Variants in DPYD observed in about 807,000 individuals in gnomAD.
DPYD encodes the protein dihydropyrimidine dehydrogenase [NADP(+)].
In DPYD, 109 loss-of-function variants were observed where a neutral mutation model predicts 116.2. That is an observed-to-expected ratio of 0.94 (90% CI 0.80 to 1.10). The LOEUF (loss-of-function observed/expected upper bound fraction) is 1.10. DPYD is among the 50% of genes least tolerant of loss of function. DPYD has a pLI of 0.00. For synonymous variants in DPYD, 440 were observed against 432.0 expected, an observed-to-expected ratio of 1.02 and a Z score of -0.23; for missense variants, 1,302 against 1,254.5, an observed-to-expected ratio of 1.04 and a Z score of -0.57.
chr1:97,366,549 C>T (rs1369499650), intron 16 of DPYD, among the ~76,000 whole-genome samples: 1 of 152,098 alleles, frequency 6.6e-6, no homozygotes, highest in Non-Finnish European at 1.5e-5. Context: ...CTAGTCTATC[C>T]CATACTTATC....
chr1:97,204,575 C>T (rs1440721097), intron 19 of DPYD, among the ~76,000 whole-genome samples: 2 of 152,092 alleles, frequency 1.3e-5, no homozygotes, highest in East Asian at 1.9e-4. Context: ...ATATAATTTA[C>T]CATCCAAACT....
intron 3 of DPYD, among the ~76,000 whole-genome samples, chr1:97,783,332 G>T (rs1309024693): frequency 6.6e-6 from 1 of 151,906 alleles, no homozygotes; most frequent in Non-Finnish European, 1.5e-5. Context: ...GCTTTCCCAG[G>T]GAGATGTTTC....
chr1:97,874,444 A>G (rs1195111871), intron 2 of DPYD, among the ~76,000 whole-genome samples: 1 of 151,928 alleles, frequency 6.6e-6, no homozygotes, highest in Non-Finnish European at 1.5e-5. Flanking sequence ...AACTAGGTGC[A>G]TACAGGGTTT....
At chr1:97,590,383 T>C (rs1557821679) in intron 10 of DPYD, among the ~76,000 whole-genome samples, 1 of 152,212 alleles carries the variant, frequency 6.6e-6, no homozygotes, top group Non-Finnish European at 1.5e-5. Flanking sequence ...AAGCCTTCGG[T>C]GCTGATTCCC....
intron 1 of DPYD, among the ~76,000 whole-genome samples, chr1:97,888,659 T>G (rs1380963234): frequency 2.0e-5 from 3 of 151,456 alleles, no homozygotes; most frequent in African/African-American, 7.3e-5. Context: ...GTAAAAATAG[T>G]TTCAATAAGT....
At position 97,361,607 on chromosome 1, in the gene DPYD, C is replaced by A. The variant is rs1050296132; in HGVS notation, c.2058+11954G>T. Among the ~76,000 whole-genome samples the A allele has an allele frequency of 2.0e-5, 3 of 152,160 alleles. No homozygotes were observed. The South Asian group carries it at 6.2e-4, about 31-fold the overall frequency. ...AGCACATCAAAAAGCTTATCCACCA[C>A]GATCAAGTCAACTTCATCCCTGGCA... On this transcript the variant is annotated intron_variant, in intron 16 of 22. Coordinates refer to ENST00000370192, the MANE Select transcript of DPYD (RefSeq NM_000110.4).
chr1:97,544,902 T>TCA (rs1330733530), intron 12 of DPYD, among the ~76,000 whole-genome samples: 3 of 152,294 alleles, frequency 2.0e-5, no homozygotes, highest in Admixed American at 6.5e-5. Context: ...CACTATGAAT[T>TCA]CACACATTCA....
chr1:97,635,224 A>T (rs1275582100), intron 8 of DPYD, among the ~76,000 whole-genome samples: 2 of 151,952 alleles, frequency 1.3e-5, no homozygotes, highest in African/African-American at 4.8e-5. Context: ...GTAGGGACCG[A>T]TATATATGCC....
chr1:97,646,197 C>T (rs1658248049), intron 8 of DPYD, among the ~76,000 whole-genome samples: 2 of 152,110 alleles, frequency 1.3e-5, no homozygotes, highest in Admixed American at 1.3e-4. Flanking sequence ...ATATTCTGTT[C>T]CAGTGCAGTG....
intron 19 of DPYD, among the ~76,000 whole-genome samples, chr1:97,221,481 A>G (rs1318072814): frequency 6.6e-6 from 1 of 152,132 alleles, no homozygotes; most frequent in African/African-American, 2.4e-5. Context: ...ATAAATTAAC[A>G]TATGGAAAAG....
chr1:97,269,433 C>G (rs559507183), intron 18 of DPYD, among the ~76,000 whole-genome samples: 4 of 152,158 alleles, frequency 2.6e-5, no homozygotes, highest in Non-Finnish European at 4.4e-5. Flanking sequence ...TTACCCAGTT[C>G]CAAAGTCATT....
At chr1:97,461,364 T>A (rs369736886) in intron 13 of DPYD, among the ~76,000 whole-genome samples, 2 of 152,146 alleles carry the variant, frequency 1.3e-5, no homozygotes, top group Non-Finnish European at 2.9e-5. Context: ...ATTCTAGAGA[T>A]TCCAATCATA....
intron 14 of DPYD, among the ~76,000 whole-genome samples, chr1:97,423,187 A>G (rs1674677336): frequency 6.6e-6 from 1 of 152,098 alleles, no homozygotes; most frequent in African/African-American, 2.4e-5. Flanking sequence ...TTTACTAGGG[A>G]TGAGGTAGAA....
intron 18 of DPYD, among the ~76,000 whole-genome samples, chr1:97,242,120 GTGTGTA>G (rs1357267040): frequency 3.7e-5 from 1 of 27,034 alleles, no homozygotes; most frequent in Admixed American, 4.0e-4. Flanking sequence ...GTGTGTGTGC[GTGTGTA>G]TATATATATA....
At chr1:97,738,729 C>T (rs1408111409) in intron 4 of DPYD, among the ~76,000 whole-genome samples, 5 of 149,634 alleles carry the variant, frequency 3.3e-5, no homozygotes, top group African/African-American at 9.8e-5. Context: ...ATATTATCTT[C>T]TCAATTAATC....
chr1:97,721,506 A>G lies in DPYD; in HGVS notation c.483+4T>C. The G allele has an allele frequency of 6.2e-7, 1 of 1,611,046 alleles. No individual in the cohort carries two copies. Among genetic ancestry groups the G allele is most frequent in the Middle Eastern group, 1.7e-4 (1 of 6,034 alleles). ...GGGGGATGTCACGTGTATATCATAC[A>G]TACCTCAGTAGCAAATTGCTGCAAT... On this transcript the variant is annotated splice_donor_region_variant and intron_variant, in intron 5 of 22. Transcript: ENST00000370192.
intron 22 of DPYD, among the ~76,000 whole-genome samples, chr1:97,081,340 A>T (rs963052288): frequency 2.0e-5 from 3 of 152,052 alleles, no homozygotes; most frequent in Admixed American, 1.3e-4. Flanking sequence ...AAATATAATA[A>T]AAACAATATT....
intron 1 of DPYD, among the ~76,000 whole-genome samples, chr1:97,908,236 G>A (rs1203580482): frequency 6.6e-6 from 1 of 151,850 alleles, no homozygotes; most frequent in Non-Finnish European, 1.5e-5. Flanking sequence ...TGTAGAGATG[G>A]GGTTTTGCCC....
chr1:97,400,279 T>C (rs917078017), intron 14 of DPYD, among the ~76,000 whole-genome samples: 1 of 152,220 alleles, frequency 6.6e-6, no homozygotes, highest in African/African-American at 2.4e-5. Flanking sequence ...TGAACCAGCC[T>C]TGCATCCCAG....
Sources: allele counts gnomAD v4.1 joint callset (sites outside exome capture counted in the v4.1 genomes callset), GRCh38; gene constraint gnomAD v4.1.1; transcripts MANE v1.5; gene names NCBI Gene and HGNC (gene_info 2026-07-23, HGNC 2026-07-21).